Variants in LIG4 observed in about 807,000 individuals in gnomAD.
LIG4 encodes the protein DNA ligase 4.
A neutral mutation model predicts 19.0 loss-of-function variants in LIG4; 13 were observed. The observed-to-expected ratio is 0.68, with a 90% CI of 0.44 to 1.09. The LOEUF (loss-of-function observed/expected upper bound fraction) is 1.09. Among genes scored for constraint, LIG4 ranks in the 50% least tolerant of loss-of-function variants. The probability of loss-of-function intolerance (pLI) is 0.00; values close to 1 mark genes in which losing one functional copy is unlikely to be tolerated. For synonymous variants in LIG4, 361 were observed against 358.2 expected (o/e 1.01, Z -0.09); for missense variants, 1,026 against 1,089.7 (o/e 0.94, Z 0.82).
upstream of LIG4, chr13:108,218,324 G>A (rs1037313367): frequency 1.3e-5 from 2 of 152,312 alleles, no homozygotes; most frequent in South Asian, 4.1e-4. Context: ...CCACGCCGCC[G>A]AGGTATCTTT....
In LIG4 at chr13:108,208,713, T is replaced by C. The variant is rs549559633; in HGVS notation, c.2556A>G (p.Val852=). ...ACACTCCCTCAGCTAAACAAGAAACTACTTTTGCTCCATGAAACCGAAGCT... is the reference window on the plus strand; with the variant it reads ...ACACTCCCTCAGCTAAACAAGAAACCACTTTTGCTCCATGAAACCGAAGCT... ...ALELRFHGAK[V]VSCLAEGVSH... is the part of the protein sequence containing the mutation. Residue 852 remains valine, a synonymous_variant, in exon 3 of 3, where the codon GTA becomes GTG. Coordinates refer to ENST00000442234, the MANE Select transcript of LIG4 (RefSeq NM_206937.2). 10 of 1,614,196 alleles carry C rather than the reference T, an allele frequency of 6.2e-6. No individual in the cohort carries two copies. The South Asian group carries it at 8.8e-5, about 14-fold the overall frequency.
intron 2 of LIG4, among the ~76,000 whole-genome samples, chr13:108,212,759 T>C (rs187669167): frequency 4.0e-5 from 6 of 151,794 alleles, no homozygotes; most frequent in African/African-American, 1.5e-4. Context: ...ATTACAATAC[T>C]ACATTTACTA....
Position 108,209,480 on chromosome 13 carries a change from C to G in LIG4, c.1789G>C (p.Asp597His). The G allele has an allele frequency of 6.2e-7, 1 of 1,614,140 alleles. No individual in the cohort carries two copies. Among genetic ancestry groups the G allele is most frequent in the South Asian group, 1.1e-5 (1 of 91,072 alleles). Residue 597 changes from aspartate (D) to histidine (H), a missense_variant, in exon 3 of 3, where the codon GAC becomes CAC. Asp to His is a moderately conservative substitution (Grantham distance 81). Transcript: ENST00000442234. Reference protein sequence around the residue: ...DKEWHECMTLDDLEQLRGKAS... With the variant: ...DKEWHECMTLHDLEQLRGKAS... ...TTCCCCCTAAGTTGTTCTAGGTCGTCCAGGGTCATGCACTCATGCCACTCC... is the reference window on the plus strand; with the variant it reads ...TTCCCCCTAAGTTGTTCTAGGTCGTGCAGGGTCATGCACTCATGCCACTCC...
upstream of LIG4, among the ~76,000 whole-genome samples, chr13:108,216,123 T>G (rs1879277465): frequency 6.6e-6 from 1 of 152,150 alleles, no homozygotes; most frequent in Non-Finnish European, 1.5e-5. Flanking sequence ...TAGTATCTGT[T>G]TAAGGTTTAA....
In LIG4 at chr13:108,208,726, T is replaced by C. The variant is rs1555303889; in HGVS notation, c.2543A>G (p.His848Arg). The change falls in exon 3 of 3, where the codon CAT becomes CGT. Residue 848 changes from histidine to arginine, a missense_variant. His to Arg is a conservative substitution (Grantham distance 29, BLOSUM62 0). This residue lies in a region of LIG4 where 521 missense variants were observed against 515.5 expected (regional missense o/e 1.01). Transcript: ENST00000442234. ...TAAACAAGAAACTACTTTTGCTCCA[T>C]GAAACCGAAGCTCCAAGGCTTTAAT... is the stretch of plus-strand genomic sequence containing the variant. ...LAIKALELRFHGAKVVSCLAE... is the reference protein window; with the variant it reads ...LAIKALELRFRGAKVVSCLAE... 1.9e-6 allele frequency: 3 copies of C among 1,614,200 alleles called. No individual in the cohort carries two copies. Among genetic ancestry groups the C allele is most frequent in the Middle Eastern group, 1.6e-4 (1 of 6,062 alleles).
At position 108,209,093 on chromosome 13, in the gene LIG4, GC is replaced by G. The variant is rs1286797317; in HGVS notation, c.2175del (p.Trp725CysfsTer3). ...CTTTTGGTCTTAAAACATTCTAAAA[GC>G]CATGCAGGCTTGACAACATCATGTT... ...SNKHDVVKPA[W>X]LLECFKTKSF... On this transcript the variant is annotated frameshift_variant, in exon 3 of 3. Transcript: ENST00000442234. LOFTEE classifies it low-confidence loss of function (END_TRUNC). The G allele has an allele frequency of 1.2e-6, 2 of 1,613,992 alleles. No individual in the cohort carries two copies. Among genetic ancestry groups the G allele is most frequent in the Admixed American group, 3.3e-5 (2 of 59,994 alleles).
At position 108,209,964 on chromosome 13, in the gene LIG4, T is replaced by C. The variant is rs778317853; in HGVS notation, c.1305A>G (p.Leu435=). The C allele has an allele frequency of 5.0e-6, 8 of 1,613,500 alleles. No individual in the cohort carries two copies. The South Asian group carries it at 7.7e-5, about 16-fold the overall frequency. The change falls in exon 3 of 3, where the codon CTA becomes CTG. Residue 435 remains leucine (L), a synonymous_variant. Transcript: ENST00000442234. ...CTCTTTTGTCTGGCTTGTAGATGGA[T>C]AGAGGTTGTTTTACCATAATTCCCT... ...REEGIMVKQP[L]SIYKPDKRGE... is the part of the protein sequence containing the mutation.
At chr13:108,215,798 T>C (rs923893157), upstream of LIG4, among the ~76,000 whole-genome samples, 7 of 152,044 alleles carry the variant, frequency 4.6e-5, no homozygotes, top group African/African-American at 1.7e-4. Flanking sequence ...AGACCTAAGA[T>C]CACTTTGTGC....
chr13:108,210,284 CAAG>C lies in LIG4; in HGVS notation c.982_984del (p.Leu328del). Reference sequence around the variant, plus strand: ...GGATTATAGGCCATCATCTCACCATCAAGAATACAGATTTGTATATCTGCTTTG... The same window carrying C: ...GGATTATAGGCCATCATCTCACCATCAATACAGATTTGTATATCTGCTTTG... On this transcript the variant is annotated inframe_deletion, in exon 3 of 3. Coordinates refer to ENST00000442234, the MANE Select transcript of LIG4 (RefSeq NM_206937.2). 1 of 1,613,966 alleles carries C rather than the reference CAAG, an allele frequency of 6.2e-7. No individual in the cohort carries two copies. The highest frequency in any genetic ancestry group is 1.1e-5 in the South Asian group (1 of 91,066).
Position 108,211,042 on chromosome 13 carries a change from T to C in LIG4, c.227A>G (p.Glu76Gly). ...AATTCCATAGGCCATTCTCTCTCTT[T>C]CTAGCTGAGGAAGAATTAGTCTCAT... is the stretch of plus-strand genomic sequence containing the variant. The part of the protein sequence containing the change: ...PAMRLILPQL[E>G]RERMAYGIKE... The change falls in exon 3 of 3, where the codon GAA (glutamate) becomes GGA (glycine). Residue 76 changes from glutamate to glycine, a missense_variant. Around this residue, in one of 3 missense-constraint regions of LIG4, gnomAD observed 493 missense variants for 544.5 expected, o/e 0.91. Coordinates refer to ENST00000442234, the MANE Select transcript of LIG4 (RefSeq NM_206937.2). 2 of 1,602,282 alleles carry C rather than the reference T, an allele frequency of 1.2e-6. No individual in the cohort carries two copies. The highest frequency in any genetic ancestry group is 1.7e-6 in the Non-Finnish European group (2 of 1,175,036).
rs779365107 is a variant in LIG4, at chr13:108,209,084, AT to A, written c.2184del (p.Glu728AspfsTer16). On this transcript the variant is annotated frameshift_variant, in exon 3 of 3. Coordinates refer to ENST00000442234, the MANE Select transcript of LIG4 (RefSeq NM_206937.2). LOFTEE classifies it low-confidence loss of function (END_TRUNC). ...GGTACAAAGCTTTTGGTCTTAAAAC[AT>A]TCTAAAAGCCATGCAGGCTTGACAA... is the stretch of plus-strand genomic sequence containing the variant. The part of the protein sequence containing the change: ...HDVVKPAWLL[E>X]CFKTKSFVPW... 3 of 1,614,164 alleles carry A rather than the reference AT, an allele frequency of 1.9e-6. No individual in the cohort carries two copies. Among genetic ancestry groups the A allele is most frequent in the Non-Finnish European group, 2.5e-6 (3 of 1,180,016 alleles).
In LIG4 at chr13:108,209,509, T is replaced by C. The variant is rs1878353634; in HGVS notation, c.1760A>G (p.Asp587Gly). Residue 587 changes from aspartate (D) to glycine (G), a missense_variant, in exon 3 of 3, where the codon GAC becomes GGC. By Grantham distance (94) the Asp-to-Gly change is moderately conservative. Around this residue, in one of 3 missense-constraint regions of LIG4, gnomAD observed 521 missense variants for 515.5 expected, o/e 1.01. Transcript: ENST00000442234. ...RFPRIEKIRD[D>G]KEWHECMTLD... ...GGTCATGCACTCATGCCACTCCTTG[T>C]CATCTCTTATCTTTTCAATTCGTGG... The C allele has an allele frequency of 2.5e-6, 4 of 1,614,176 alleles. No homozygotes were observed. Among genetic ancestry groups the C allele is most frequent in the Non-Finnish European group, 2.5e-6 (3 of 1,180,032 alleles).
At chr13:108,213,317 TTAAC>T (rs146196190) in intron 2 of LIG4, among the ~76,000 whole-genome samples, 21,346 of 152,184 alleles carry the variant, frequency 0.14, 1,673 homozygotes, top group Non-Finnish European at 0.18. Flanking sequence ...ATAAAGTAGG[TTAAC>T]TAATATTTCT....
At position 108,209,106 on chromosome 13, in the gene LIG4, G is replaced by C. The variant is rs1191246942; in HGVS notation, c.2163C>G (p.Val721=). 1.2e-6 allele frequency: 2 copies of C among 1,613,978 alleles called. No individual in the cohort carries two copies. The highest frequency in any genetic ancestry group is 2.7e-5 in the African/African-American group (2 of 74,892). The change falls in exon 3 of 3, where the codon GTC becomes GTG. Residue 721 remains valine, a synonymous_variant. Coordinates refer to ENST00000442234, the MANE Select transcript of LIG4 (RefSeq NM_206937.2). ...AACATTCTAAAAGCCATGCAGGCTT[G>C]ACAACATCATGTTTATTTGACAAAA... ...NIILSNKHDV[V]KPAWLLECFK...
chr13:108,217,207 C>T (rs893154638), upstream of LIG4, among the ~76,000 whole-genome samples: 70 of 152,054 alleles, frequency 4.6e-4, no homozygotes, highest in African/African-American at 8.4e-4. Context: ...GGTGAACCCC[C>T]GTCTCTACTA....
rs759829934 is a variant in LIG4, at chr13:108,209,518, ATCTTT to A, written c.1746_1750del (p.Glu582AspfsTer4). On this transcript the variant is annotated frameshift_variant, in exon 3 of 3. Transcript: ENST00000442234. LOFTEE classifies it low-confidence loss of function (END_TRUNC). Reference sequence around the variant, plus strand: ...CTCATGCCACTCCTTGTCATCTCTTATCTTTTCAATTCGTGGAAAACGCAAGGTGC... The same window carrying A: ...CTCATGCCACTCCTTGTCATCTCTTATCAATTCGTGGAAAACGCAAGGTGC... 7.2e-5 allele frequency: 117 copies of A among 1,614,116 alleles called. No individual in the cohort carries two copies. The highest frequency in any genetic ancestry group is 9.7e-5 in the Non-Finnish European group (114 of 1,180,012).
In LIG4 at chr13:108,209,187, G is replaced by A. The variant is rs1443717021; in HGVS notation, c.2082C>T (p.Gly694=). Residue 694 remains glycine, a synonymous_variant, in exon 3 of 3, where the codon GGC becomes GGT. Coordinates refer to ENST00000442234, the MANE Select transcript of LIG4 (RefSeq NM_206937.2). ...EFGGYIVQNP[G]PDTYCVIAGS... is the part of the protein sequence containing the mutation. ...CTGCAATTACACAGTACGTGTCTGGGCCTGGATTTTGTACTATATAACCAC... is the reference window on the plus strand; with the variant it reads ...CTGCAATTACACAGTACGTGTCTGGACCTGGATTTTGTACTATATAACCAC... 1 of 1,614,088 alleles carries A rather than the reference G, an allele frequency of 6.2e-7. No homozygotes were observed. Among genetic ancestry groups the A allele is most frequent in the Admixed American group, 1.7e-5 (1 of 60,008 alleles).
Position 108,210,324 on chromosome 13 carries a change from A to C in LIG4, c.945T>G (p.Ile315Met). The C allele has an allele frequency of 6.2e-7, 1 of 1,613,938 alleles. No individual in the cohort carries two copies. The highest frequency in any genetic ancestry group is 8.5e-7 in the Non-Finnish European group (1 of 1,179,860). The change falls in exon 3 of 3, where the codon ATT becomes ATG. Residue 315 changes from isoleucine (I) to methionine (M), a missense_variant. Physicochemically the swap from Ile to Met is conservative, Grantham distance 10. Around this residue, in one of 3 missense-constraint regions of LIG4, gnomAD observed 493 missense variants for 544.5 expected, o/e 0.91. Coordinates refer to ENST00000442234, the MANE Select transcript of LIG4 (RefSeq NM_206937.2). ...GTATATCTGCTTTGAATGCATTATG[A>C]ATGAATGGGGTAAGAGAACCTTCAG... is the stretch of plus-strand genomic sequence containing the variant. ...SPTEGSLTPFIHNAFKADIQI... is the reference protein window; with the variant it reads ...SPTEGSLTPFMHNAFKADIQI...
intron 2 of LIG4, among the ~76,000 whole-genome samples, chr13:108,211,504 A>T (rs1369156581): frequency 6.6e-6 from 1 of 152,224 alleles, no homozygotes; most frequent in Admixed American, 6.5e-5. Flanking sequence ...TTATTATGAA[A>T]AGTATCATCA....
Sources: allele counts gnomAD v4.1 joint callset (sites outside exome capture counted in the v4.1 genomes callset), GRCh38; gene constraint gnomAD v4.1.1; regional missense constraint gnomAD v4.1.1; transcripts MANE v1.5; gene names NCBI Gene and HGNC (gene_info 2026-07-23, HGNC 2026-07-21).